ERI1: variants seen among roughly 807,000 people sequenced by gnomAD.
ERI1 encodes 3'-5' exoribonuclease 1.
Under a neutral mutation model 39.7 loss-of-function variants are expected in ERI1, and 39 were observed. The observed-to-expected ratio is 0.98, with a 90% CI of 0.76 to 1.28. ERI1 has a LOEUF of 1.28. Ranked by LOEUF, ERI1 falls within the 50% of genes most tolerant of loss-of-function variation. The pLI is 0.00. For synonymous variants in ERI1, 204 were observed against 149.6 expected, an observed-to-expected ratio of 1.36 and a Z score of -2.65; for missense variants, 581 against 416.9, an observed-to-expected ratio of 1.39 and a Z score of -3.43.
chr8:9,065,025 A>G (rs1798831295), intron 3 of ERI1, among the ~76,000 whole-genome samples: 1 of 152,186 alleles, frequency 6.6e-6, no homozygotes, highest in Admixed American at 6.5e-5. Flanking sequence ...AGCCAGGATG[A>G]GCCAGGAGAA....
At chr8:9,046,402 C>G (rs1217991843) in intron 3 of ERI1, among the ~76,000 whole-genome samples, 2 of 152,196 alleles carry the variant, frequency 1.3e-5, no homozygotes, top group African/African-American at 4.8e-5. Context: ...GCCCTGAGAC[C>G]TCTGCAGTTC....
chr8:9,030,061 A>T lies in ERI1; in HGVS notation c.*27A>T. 1.4e-5 allele frequency: 22 copies of T among 1,608,132 alleles called. No homozygotes were observed. Among genetic ancestry groups the T allele is most frequent in the Non-Finnish European group, 1.9e-5 (22 of 1,175,116 alleles). ...AACAGTTTTGTGTGTGGATCATTCC[A>T]ATTGAAGTTGCTATGAAGAGGTAGC... On this transcript the variant is annotated 3_prime_UTR_variant, in exon 7 of 7. Coordinates refer to ENST00000250263, the MANE Select transcript of ERI1 (RefSeq NM_153332.4).
At chr8:9,004,955 T>G (rs1275424513) in intron 1 of ERI1, among the ~76,000 whole-genome samples, 1 of 152,146 alleles carries the variant, frequency 6.6e-6, no homozygotes, top group Admixed American at 6.5e-5. Flanking sequence ...CCCAAAGTGC[T>G]GGGATTACAG....
rs547338212 is a variant in ERI1 at position 9,079,200 on chromosome 8, C to T, written n.300-37148C>T. Among the ~76,000 whole-genome samples the T allele has an allele frequency of 9.8e-5, 15 of 152,306 alleles. No homozygotes were observed. The East Asian group carries it at 1.2e-3, about 12-fold the overall frequency. On this transcript the variant is annotated intron_variant and non_coding_transcript_variant, in intron 3 of 3. Coordinates refer to the ERI1 transcript ENST00000518663. The stretch of plus-strand genomic sequence containing the variant: ...AAGGCTATTTACTGAAAATTGCTGA[C>T]AGCAGGCCTTTGGTAAAAGGGTGGA...
intron 3 of ERI1, among the ~76,000 whole-genome samples, chr8:9,065,184 A>G (rs982439337): frequency 2.0e-4 from 30 of 152,342 alleles, no homozygotes; most frequent in African/African-American, 6.7e-4. Context: ...GCTTGGGCTC[A>G]GAGGCCTGAC....
downstream of ERI1, among the ~76,000 whole-genome samples, chr8:9,035,029 T>C (rs1442707021): frequency 6.6e-6 from 1 of 152,206 alleles, no homozygotes; most frequent in African/African-American, 2.4e-5. Flanking sequence ...CTGTCTCATA[T>C]TCTGTGAGGG....
intron 1 of ERI1, among the ~76,000 whole-genome samples, chr8:9,006,530 C>G (rs1418851526): frequency 6.6e-6 from 1 of 152,094 alleles, no homozygotes; most frequent in South Asian, 2.1e-4. Context: ...CTGAAATTTA[C>G]TAAATGATGA....
chr8:9,025,529 C>G (rs1818381508), intron 6 of ERI1, among the ~76,000 whole-genome samples: 1 of 152,208 alleles, frequency 6.6e-6, no homozygotes, highest in Non-Finnish European at 1.5e-5. Context: ...AACTCAGCCA[C>G]TTGATTGAGA....
At chr8:9,004,684 CTTTT>C (rs1279162284) in intron 1 of ERI1, among the ~76,000 whole-genome samples, 2 of 126,770 alleles carry the variant, frequency 1.6e-5, no homozygotes, top group Non-Finnish European at 3.4e-5. Context: ...AGTAATGATA[CTTTT>C]TTTTTTTTTT....
intron 6 of ERI1, among the ~76,000 whole-genome samples, chr8:9,026,406 ACCCTGGCAAT>A (rs1201688728): frequency 6.6e-6 from 1 of 151,950 alleles, no homozygotes; most frequent in Non-Finnish European, 1.5e-5. Context: ...TTCCTGCCAA[ACCCTGGCAAT>A]CATCATTCTT....
chr8:9,075,778 A>G (rs1799191580), intron 3 of ERI1, among the ~76,000 whole-genome samples: 1 of 152,216 alleles, frequency 6.6e-6, no homozygotes, highest in Non-Finnish European at 1.5e-5. Flanking sequence ...TTACAGTGAA[A>G]GGGAAAAATA....
At chr8:9,080,809 G>A (rs1008277202) in intron 3 of ERI1, among the ~76,000 whole-genome samples, 1 of 152,106 alleles carries the variant, frequency 6.6e-6, no homozygotes, top group Admixed American at 6.5e-5. Flanking sequence ...CAGCTAAATG[G>A]GGGGTGGAGG....
chr8:9,028,645 A>G (rs988088148), intron 6 of ERI1, among the ~76,000 whole-genome samples: 2 of 151,980 alleles, frequency 1.3e-5, no homozygotes, highest in African/African-American at 4.8e-5. Flanking sequence ...TTTTTTTGAG[A>G]TGGAACCTCA....
intron 3 of ERI1, among the ~76,000 whole-genome samples, chr8:9,086,815 C>T (rs945753001): frequency 6.6e-6 from 1 of 152,184 alleles, no homozygotes; most frequent in African/African-American, 2.4e-5. Flanking sequence ...GATAAATACT[C>T]ATACTGTTGA....
rs1204589506 is a variant in ERI1 at position 9,025,706 on chromosome 8, G to T, written c.808-4086G>T. ...TTTCATTTTAATCTTTTTTTTTTGT[G>T]TGTGTGTGTGTGTGTGTGTGGTTAA... On this transcript the variant is annotated intron_variant, in intron 6 of 6. Transcript: ENST00000250263. 2.5e-3 allele frequency among the ~76,000 whole-genome samples: 376 copies of T among 147,620 alleles called. 1 individual carries two copies. The highest frequency in any genetic ancestry group is 6.7e-3 in the African/African-American group (270 of 40,552).
chr8:9,020,349 G>C lies in ERI1; in HGVS notation c.693-1G>C. 6.5e-7 allele frequency: 1 copy of C among 1,549,744 alleles called. No individual in the cohort carries two copies. Among genetic ancestry groups the C allele is most frequent in the South Asian group, 1.2e-5 (1 of 80,018 alleles). On this transcript the variant is annotated splice_acceptor_variant, in intron 5 of 6. Coordinates refer to ENST00000250263, the MANE Select transcript of ERI1 (RefSeq NM_153332.4). LOFTEE classifies it high-confidence loss of function. ...ATTTTTTGTCCTTTTTTAATTTATA[G>C]TTCTTGGGATATGAGTAAGTTCTTG...
At chr8:9,095,843 G>T (rs1799860268) in intron 3 of ERI1, among the ~76,000 whole-genome samples, 1 of 152,018 alleles carries the variant, frequency 6.6e-6, no homozygotes. Flanking sequence ...AGTTTGCTCT[G>T]TGTTTAAGGA....
intron 2 of ERI1, among the ~76,000 whole-genome samples, chr8:9,010,510 G>C (rs931246573): frequency 6.6e-6 from 1 of 152,030 alleles, no homozygotes; most frequent in Non-Finnish European, 1.5e-5. Context: ...CTATTTTCAT[G>C]GGTAGGATTT....
intron 3 of ERI1, among the ~76,000 whole-genome samples, chr8:9,073,608 A>T (rs1427449054): frequency 6.6e-6 from 1 of 152,254 alleles, no homozygotes; most frequent in Non-Finnish European, 1.5e-5. Flanking sequence ...TTGCTGAATC[A>T]GTGTGCAGGA....
Sources: gnomAD v4.1 joint callset for allele counts (sites outside exome capture counted in the v4.1 genomes callset) on GRCh38, gnomAD v4.1.1 for gene constraint, MANE v1.5 for transcripts, NCBI Gene and HGNC (gene_info 2026-07-23, HGNC 2026-07-21) for gene names.